The following OPCML variants were observed in gnomAD, a reference collection of about 807,000 sequenced individuals.
The protein encoded by OPCML is opioid-binding protein/cell adhesion molecule.
Under a neutral mutation model 37.8 loss-of-function variants are expected in OPCML, and 13 were observed. The ratio of observed to expected loss-of-function variants is 0.34; its 90% CI spans 0.22 to 0.55. OPCML has a LOEUF of 0.55. Ranked by LOEUF, OPCML falls within the 20% of genes least tolerant of loss-of-function variation. The pLI, the probability that OPCML is intolerant of heterozygous loss-of-function variation, is 0.91. For missense variants in OPCML, 341 were observed against 435.6 expected (o/e 0.78, Z 1.93); for synonymous variants, 176 against 168.8 (o/e 1.04, Z -0.33).
At chr11:132,657,624 T>C (rs1333097131) in intron 2 of OPCML, among the ~76,000 whole-genome samples, 1 of 152,208 alleles carries the variant, frequency 6.6e-6, no homozygotes, top group Non-Finnish European at 1.5e-5. Context: ...AATCAGTTTA[T>C]GTTTCTTGAG....
intron 2 of OPCML, among the ~76,000 whole-genome samples, chr11:132,783,801 C>A (rs1457071961): frequency 6.6e-6 from 1 of 152,052 alleles, no homozygotes; most frequent in Non-Finnish European, 1.5e-5. Flanking sequence ...TACCCTAGAC[C>A]TCGTGGGAGA....
chr11:132,707,289 G>A (rs1944072462), intron 2 of OPCML, among the ~76,000 whole-genome samples: 1 of 152,150 alleles, frequency 6.6e-6, no homozygotes, highest in Non-Finnish European at 1.5e-5. Flanking sequence ...GGATGAGACG[G>A]CAACAAACAC....
At chr11:132,977,705 C>T (rs1450301960) in intron 1 of OPCML, among the ~76,000 whole-genome samples, 65 of 152,142 alleles carry the variant, frequency 4.3e-4, no homozygotes, top group Admixed American at 4.1e-3. Flanking sequence ...TAGGAGTCTT[C>T]GGTGACCCAC....
rs150313686 is a variant in OPCML, at chr11:132,887,123, A to C, written c.146+55803T>G. Among the ~76,000 whole-genome samples the C allele has an allele frequency of 5.9e-5, 9 of 152,340 alleles. No homozygotes were observed. In the East Asian group the frequency reaches 1.7e-3, roughly 29 times the overall value. ...AACATTTAAGTTACTGACAGACCACAAATACAATGGTGGTCTCGTAGGACC... is the reference window on the plus strand; with the variant it reads ...AACATTTAAGTTACTGACAGACCACCAATACAATGGTGGTCTCGTAGGACC... On this transcript the variant is annotated intron_variant, in intron 2 of 7. Transcript: ENST00000524381.
intron 1 of OPCML, among the ~76,000 whole-genome samples, chr11:133,159,305 G>A (rs1039706755): frequency 6.6e-6 from 1 of 152,152 alleles, no homozygotes; most frequent in Non-Finnish European, 1.5e-5. Context: ...AGAGGTCCCT[G>A]GGGCACGATG....
intron 2 of OPCML, among the ~76,000 whole-genome samples, chr11:132,672,019 T>C (rs1942498549): frequency 6.6e-6 from 1 of 152,188 alleles, no homozygotes; most frequent in Non-Finnish European, 1.5e-5. Context: ...TATTCTGTAA[T>C]GATTCTTTTG....
At chr11:132,479,882 A>C (rs12285080) in intron 4 of OPCML, among the ~76,000 whole-genome samples, 30,146 of 152,160 alleles carry the variant, frequency 0.2, 3,267 homozygotes, top group East Asian at 0.36. Flanking sequence ...CATCACCATC[A>C]TCAAAGACCA....
intron 1 of OPCML, among the ~76,000 whole-genome samples, chr11:132,989,568 G>A (rs909254614): frequency 2.6e-5 from 4 of 151,686 alleles, no homozygotes; most frequent in African/African-American, 4.8e-5. Flanking sequence ...AGGACCATGC[G>A]CTGGAGATGC....
At chr11:132,844,338 A>G (rs2136311005) in intron 2 of OPCML, among the ~76,000 whole-genome samples, 1 of 152,364 alleles carries the variant, frequency 6.6e-6, no homozygotes, top group Admixed American at 6.5e-5. Context: ...ACACGGAGTC[A>G]GGAAAAGGGA....
chr11:132,589,153 T>G (rs2096479766), intron 3 of OPCML, among the ~76,000 whole-genome samples: 1 of 152,178 alleles, frequency 6.6e-6, no homozygotes, highest in Admixed American at 6.6e-5. Context: ...GCAATCCATC[T>G]AATATTCTGA....
chr11:132,850,979 G>T (rs1383671047), intron 2 of OPCML, among the ~76,000 whole-genome samples: 2 of 152,146 alleles, frequency 1.3e-5, no homozygotes, highest in African/African-American at 4.8e-5. Flanking sequence ...GGCCCCCATG[G>T]GGTCTGCGAA....
chr11:132,843,402 A>G (rs1941385391), intron 2 of OPCML, among the ~76,000 whole-genome samples: 1 of 152,170 alleles, frequency 6.6e-6, no homozygotes. Flanking sequence ...GTGGGCATCC[A>G]GTCACCTGGA....
At chr11:133,072,032 C>A (rs1948547053) in intron 1 of OPCML, among the ~76,000 whole-genome samples, 1 of 152,106 alleles carries the variant, frequency 6.6e-6, no homozygotes, top group Non-Finnish European at 1.5e-5. Context: ...AAGTGATTCC[C>A]AAAGGATCAT....
At chr11:133,075,360 C>T (rs923202486) in intron 1 of OPCML, among the ~76,000 whole-genome samples, 15 of 152,230 alleles carry the variant, frequency 9.9e-5, no homozygotes, top group Non-Finnish European at 4.4e-5. Flanking sequence ...TCAGAGGCTT[C>T]TCCTCAATGA....
At chr11:133,467,198 C>T (rs1318096611) in intron 1 of OPCML, among the ~76,000 whole-genome samples, 1 of 152,162 alleles carries the variant, frequency 6.6e-6, no homozygotes, top group East Asian at 1.9e-4. Flanking sequence ...CAATGCTGGG[C>T]AAAATGCACA....
intron 3 of OPCML, among the ~76,000 whole-genome samples, chr11:132,547,848 A>G (rs1406922423): frequency 1.3e-5 from 2 of 152,128 alleles, no homozygotes; most frequent in African/African-American, 4.8e-5. Context: ...TGACAGTGTC[A>G]AGCAGCGTGC....
At chr11:132,739,385 C>T (rs917003441) in intron 2 of OPCML, among the ~76,000 whole-genome samples, 4 of 152,108 alleles carry the variant, frequency 2.6e-5, no homozygotes, top group Non-Finnish European at 5.9e-5. Context: ...TTGCCAGGTC[C>T]CAGGCAATGA....
chr11:132,598,873 T>C (rs1937629835), intron 3 of OPCML, among the ~76,000 whole-genome samples: 1 of 152,228 alleles, frequency 6.6e-6, no homozygotes, highest in African/African-American at 2.4e-5. Context: ...AAAAATATAT[T>C]TGGCTTTTAT....
At chr11:132,832,627 T>C (rs1403550652) in intron 2 of OPCML, among the ~76,000 whole-genome samples, 1 of 152,252 alleles carries the variant, frequency 6.6e-6, no homozygotes, top group Non-Finnish European at 1.5e-5. Context: ...TGCCTAATCA[T>C]GTATGCTTTT....
Sources: allele counts gnomAD v4.1 joint callset (sites outside exome capture counted in the v4.1 genomes callset), GRCh38; gene constraint gnomAD v4.1.1; transcripts MANE v1.5; gene names NCBI Gene and HGNC (gene_info 2026-07-23, HGNC 2026-07-21).